The following ANKRD13C variants were observed in gnomAD, a reference collection of about 807,000 sequenced individuals.
ANKRD13C encodes ankyrin repeat domain-containing protein 13C.
ANKRD13C carries 16 observed loss-of-function variants against 65.5 expected under a neutral mutation model. The observed-to-expected ratio is 0.24, with a 90% CI of 0.17 to 0.37. The LOEUF (loss-of-function observed/expected upper bound fraction) is 0.37, where lower values mean the gene tolerates loss of function less well. Among genes scored for constraint, ANKRD13C ranks in the 10% least tolerant of loss-of-function variants. The pLI is 1.00. For missense variants in ANKRD13C, 503 were observed against 655.9 expected, an observed-to-expected ratio of 0.77 and a Z score of 2.55; for synonymous variants, 235 against 238.7, an observed-to-expected ratio of 0.98 and a Z score of 0.14.
chr1:70,351,634 A>C (rs1405491204), intron 1 of ANKRD13C, among the ~76,000 whole-genome samples: 1 of 152,148 alleles, frequency 6.6e-6, no homozygotes, highest in East Asian at 1.9e-4. Flanking sequence ...TCCTGACCTC[A>C]GGTAATCCAC....
chr1:70,315,291 T>G (rs1033119634), intron 4 of ANKRD13C, among the ~76,000 whole-genome samples, 190 bp downstream of exon 4: 1 of 152,162 alleles, frequency 6.6e-6, no homozygotes, highest in African/African-American at 2.4e-5. Context: ...ATCTTTATCT[T>G]CCTAGTTCAA....
chr1:70,333,761 C>A (rs1185406115), intron 2 of ANKRD13C, among the ~76,000 whole-genome samples: 4 of 151,882 alleles, frequency 2.6e-5, no homozygotes, highest in Non-Finnish European at 5.9e-5. Flanking sequence ...AGGAGAATAC[C>A]GCAGATATAA....
intron 2 of ANKRD13C, among the ~76,000 whole-genome samples, chr1:70,329,057 AAAAC>A (rs143025646): frequency 0.11 from 16,780 of 152,148 alleles, 1,114 homozygotes; most frequent in East Asian, 0.33. Flanking sequence ...TACTTCCATG[AAAAC>A]AAACAAAGTC....
At chr1:70,316,338 G>A (rs963510908) in intron 3 of ANKRD13C, among the ~76,000 whole-genome samples, 19 of 152,226 alleles carry the variant, frequency 1.2e-4, no homozygotes, top group African/African-American at 4.6e-4. Context: ...ACTTGGACAA[G>A]TTACTACTTA....
At chr1:70,326,856 C>T (rs888674622) in intron 2 of ANKRD13C, among the ~76,000 whole-genome samples, 10 of 150,536 alleles carry the variant, frequency 6.6e-5, no homozygotes, top group Non-Finnish European at 1.5e-4. Flanking sequence ...TAATGGCTAA[C>T]TAGTTATAAC....
intron 10 of ANKRD13C, among the ~76,000 whole-genome samples, chr1:70,276,427 C>T (rs778366644): frequency 6.6e-6 from 1 of 152,116 alleles, no homozygotes; most frequent in Non-Finnish European, 1.5e-5. Flanking sequence ...AATAGAAAAG[C>T]TCATCATACA....
In ANKRD13C at chr1:70,296,214, A is replaced by G. The variant is rs761636292; in HGVS notation, c.969T>C (p.Ser323=). ...TEEEVDILMS[S]DIYSATLSTK... Reference sequence around the variant, plus strand: ...TTGATAAAGTTGCAGAGTAAATATCACTGCTCATTAAAATATCCACCTCTT... The same window carrying G: ...TTGATAAAGTTGCAGAGTAAATATCGCTGCTCATTAAAATATCCACCTCTT... The change falls in exon 8 of 13, where the codon AGT becomes AGC. Residue 323 remains serine (S), a synonymous_variant. Coordinates refer to ENST00000370944, the MANE Select transcript of ANKRD13C (RefSeq NM_030816.5). 8 of 1,613,842 alleles carry G rather than the reference A, an allele frequency of 5.0e-6. No homozygotes were observed. In the South Asian group the frequency reaches 6.6e-5, roughly 13 times the overall value.
At chr1:70,282,929 T>C (rs1679461363) in intron 9 of ANKRD13C, among the ~76,000 whole-genome samples, 1 of 151,808 alleles carries the variant, frequency 6.6e-6, no homozygotes, top group Non-Finnish European at 1.5e-5. Context: ...ACATGGCATG[T>C]CACATCATTA....
rs1344240251 is a variant in ANKRD13C, at chr1:70,282,118, G to A, written c.1216-5274C>T. 4.8e-5 allele frequency among the ~76,000 whole-genome samples: 7 copies of A among 146,802 alleles called. No homozygotes were observed. In the East Asian group the frequency reaches 1.0e-3, roughly 22 times the overall value. ...CACCCAGGCTGGAGTGTAGTAGCGCGATCTCGGCTCACTGCAAGCTCTGCC... is the reference window on the plus strand; with the variant it reads ...CACCCAGGCTGGAGTGTAGTAGCGCAATCTCGGCTCACTGCAAGCTCTGCC... On this transcript the variant is annotated intron_variant, in intron 9 of 12. Transcript: ENST00000370944.
chr1:70,350,721 T>G (rs930951507), intron 1 of ANKRD13C, among the ~76,000 whole-genome samples: 1 of 152,100 alleles, frequency 6.6e-6, no homozygotes, highest in African/African-American at 2.4e-5. Flanking sequence ...AGGGTCCTAA[T>G]CAATAGAAAT....
chr1:70,292,742 C>T (rs1431166554), intron 8 of ANKRD13C, among the ~76,000 whole-genome samples, 193 bp from the exon 9 acceptor site: 1 of 152,014 alleles, frequency 6.6e-6, no homozygotes, highest in Admixed American at 6.6e-5. Context: ...TTGAAAAATA[C>T]ACAAAAGCAT....
intron 1 of ANKRD13C, among the ~76,000 whole-genome samples, chr1:70,344,587 A>G (rs1278865110): frequency 2.0e-5 from 3 of 152,138 alleles, no homozygotes; most frequent in African/African-American, 7.2e-5. Context: ...TTGCTCAATA[A>G]TCCTATGAAA....
intron 1 of ANKRD13C, among the ~76,000 whole-genome samples, chr1:70,344,814 T>C (rs1044746929): frequency 6.6e-6 from 1 of 152,002 alleles, no homozygotes; most frequent in Admixed American, 6.6e-5. Flanking sequence ...TCTATTGATA[T>C]TTATCATATT....
At chr1:70,334,011 AC>A (rs751491008) in intron 2 of ANKRD13C, among the ~76,000 whole-genome samples, 3 of 152,236 alleles carry the variant, frequency 2.0e-5, no homozygotes, top group Non-Finnish European at 2.9e-5. Flanking sequence ...GATTTGAATC[AC>A]CAATTATATA....
At chr1:70,327,655 C>A (rs576950995) in intron 2 of ANKRD13C, among the ~76,000 whole-genome samples, 2 of 152,224 alleles carry the variant, frequency 1.3e-5, no homozygotes, top group East Asian at 3.9e-4. Flanking sequence ...TTGGTGTGAT[C>A]ATGATAATGT....
At position 70,289,492 on chromosome 1, in the gene ANKRD13C, T is replaced by G. The variant is rs1019271233; in HGVS notation, c.1215+2896A>C. On this transcript the variant is annotated intron_variant, in intron 9 of 12. Coordinates refer to ENST00000370944, the MANE Select transcript of ANKRD13C (RefSeq NM_030816.5). ...TTATTATTTTTTTTTTTTGAGACAG[T>G]CTTGCTCTGTCACCCAGGCTGGAGT... 3.3e-5 allele frequency among the ~76,000 whole-genome samples: 5 copies of G among 152,058 alleles called. No homozygotes were observed. The South Asian group carries it at 6.2e-4, about 19-fold the overall frequency.
At chr1:70,334,072 C>T (rs1681917059) in intron 2 of ANKRD13C, among the ~76,000 whole-genome samples, 1 of 152,050 alleles carries the variant, frequency 6.6e-6, no homozygotes, top group African/African-American at 2.4e-5. Flanking sequence ...ATCTGTAATC[C>T]CAGTGTTCTG....
rs1316139441 is a variant in ANKRD13C at position 70,302,497 on chromosome 1, C to T, written c.777-1589G>A. 9.9e-5 allele frequency among the ~76,000 whole-genome samples: 11 copies of T among 110,688 alleles called. 2 individuals are homozygous for T. Among genetic ancestry groups the T allele is most frequent in the Non-Finnish European group, 1.8e-4 (10 of 55,842 alleles). The allele number at this position is 110,688 out of a possible 152,430, so 72.6% of individuals were successfully genotyped here. On this transcript the variant is annotated intron_variant, in intron 6 of 12. Coordinates refer to ENST00000370944, the MANE Select transcript of ANKRD13C (RefSeq NM_030816.5). ...ATCCCAGCACTTTGGGAGGCCAAGG[C>T]GGGCGGATCACGAGGTCAGGAGATC...
intron 2 of ANKRD13C, among the ~76,000 whole-genome samples, chr1:70,330,574 C>CAAAAAAAAAAAAAAAAAAAAAAAA (rs71071394): frequency 2.9e-5 from 2 of 68,386 alleles, no homozygotes; most frequent in South Asian, 6.2e-4. Context: ...ACAAACAAAC[C>CAAAAAAAAAAAAAAAAAAAAAAAA]AAAAAAAAAA....
Sources: allele counts gnomAD v4.1 joint callset (sites outside exome capture counted in the v4.1 genomes callset), GRCh38; gene constraint gnomAD v4.1.1; transcripts MANE v1.5; gene names NCBI Gene and HGNC (gene_info 2026-07-23, HGNC 2026-07-21).